Variants in ADAM19 observed in about 807,000 individuals in gnomAD.
ADAM19 encodes disintegrin and metalloproteinase domain-containing protein 19.
In ADAM19, 65 loss-of-function variants were observed where a neutral mutation model predicts 114.7. The observed-to-expected ratio is 0.57, with a 90% CI of 0.46 to 0.70. ADAM19 has a LOEUF of 0.70. Among genes scored for constraint, ADAM19 ranks in the 30% least tolerant of loss-of-function variants. ADAM19 has a pLI of 0.00. For missense variants in ADAM19, 1,063 were observed against 1,204.7 expected, an observed-to-expected ratio of 0.88 and a Z score of 1.74; for synonymous variants, 466 against 460.5, an observed-to-expected ratio of 1.01 and a Z score of -0.15.
intron 5 of ADAM19, among the ~76,000 whole-genome samples, chr5:157,527,862 C>T (rs568965675): frequency 1.3e-5 from 2 of 152,160 alleles, no homozygotes; most frequent in Non-Finnish European, 2.9e-5. Context: ...TAAGATAATA[C>T]ATGACTTCTT....
chr5:157,575,616 C>T lies in ADAM19; in HGVS notation c.81G>A (p.Glu27=), dbSNP rs749946486. 5.5e-5 allele frequency: 80 copies of T among 1,450,112 alleles called. No individual in the cohort carries two copies. Among genetic ancestry groups the T allele is most frequent in the Middle Eastern group, 2.2e-4 (1 of 4,586 alleles). The allele number at this position is 1,450,112 out of a possible 1,614,324, so 89.8% of individuals were successfully genotyped here. ...CTGGCCACTTACTTGTCCATCCAGG[C>T]TCCCGCGCCGCCCGCGGCCGGAGGG... ...LQPLRPRAAR[E]PGWTRGSEEG... Residue 27 remains glutamate, a synonymous_variant, in exon 1 of 23, where the codon GAG becomes GAA. Transcript: ENST00000257527.
At chr5:157,504,443 G>A (rs1755674045) in intron 11 of ADAM19, among the ~76,000 whole-genome samples, 1 of 152,112 alleles carries the variant, frequency 6.6e-6, no homozygotes, top group Admixed American at 6.5e-5. Flanking sequence ...CAGAGACGGG[G>A]TTTCACCATG....
chr5:157,482,140 T>C (rs1053454942), intron 21 of ADAM19, among the ~76,000 whole-genome samples, 197 bp from the exon 22 acceptor site: 2 of 152,246 alleles, frequency 1.3e-5, no homozygotes, highest in Admixed American at 1.3e-4. Context: ...TCTATTAAAA[T>C]TACAAATAAC....
chr5:157,494,299 A>G (rs764411279), intron 15 of ADAM19, among the ~76,000 whole-genome samples: 14 of 152,024 alleles, frequency 9.2e-5, no homozygotes, highest in Non-Finnish European at 1.6e-4. Context: ...ATGGGTAGAC[A>G]GATGAGTGGA....
chr5:157,551,276 C>A lies in ADAM19; in HGVS notation c.251+13097G>T, dbSNP rs144925391. Among the ~76,000 whole-genome samples, 884 of 151,922 alleles carry A rather than the reference C, an allele frequency of 5.8e-3. 5 individuals carry two copies. Among genetic ancestry groups the A allele is most frequent in the African/African-American group, 0.019 (795 of 41,406 alleles). Reference sequence around the variant, plus strand: ...AATAATTAGCTGGCGTGGTGGTGCACGCCTGTAATCTCAGCTACTCGGGAG... The same window carrying A: ...AATAATTAGCTGGCGTGGTGGTGCAAGCCTGTAATCTCAGCTACTCGGGAG... On this transcript the variant is annotated intron_variant, in intron 3 of 22. Transcript: ENST00000257527.
At chr5:157,520,426 C>G (rs1232724689) in intron 5 of ADAM19, among the ~76,000 whole-genome samples, 2 of 152,094 alleles carry the variant, frequency 1.3e-5, no homozygotes, top group African/African-American at 4.8e-5. Flanking sequence ...TTCCAAAAAG[C>G]CTCCCAAACC....
At position 157,505,611 on chromosome 5, in the gene ADAM19, C is replaced by T. The variant is rs1755717073; in HGVS notation, c.1130+58G>A. Reference sequence around the variant, plus strand: ...GGCCAGCTGGGAGGAACCCCTGGGTCACACTGTCCAGGTGTGCCCGCCCTC... The same window carrying T: ...GGCCAGCTGGGAGGAACCCCTGGGTTACACTGTCCAGGTGTGCCCGCCCTC... On this transcript the variant is annotated intron_variant, in intron 11 of 22. Transcript: ENST00000257527. 3.8e-6 allele frequency: 6 copies of T among 1,562,724 alleles called. No individual in the cohort carries two copies. The South Asian group carries it at 7.0e-5, about 18-fold the overall frequency.
At chr5:157,540,544 T>G (rs1756887647) in intron 3 of ADAM19, among the ~76,000 whole-genome samples, 2 of 152,092 alleles carry the variant, frequency 1.3e-5, no homozygotes, top group South Asian at 4.1e-4. Flanking sequence ...ACCCTAGAAA[T>G]CATGTAGTCA....
Position 157,480,623 on chromosome 5 carries a change from G to A in ADAM19, c.*326C>T, listed in dbSNP as rs1176680553. 2 of 1,159,250 alleles carry A rather than the reference G, an allele frequency of 1.7e-6. No individual in the cohort carries two copies. Among genetic ancestry groups the A allele is most frequent in the African/African-American group, 3.2e-5 (2 of 62,714 alleles). 71.8% of individuals were successfully genotyped at this position (1,159,250 alleles called of 1,614,324 possible). On this transcript the variant is annotated 3_prime_UTR_variant, in exon 23 of 23. Transcript: ENST00000257527. ...AAGTGCTGGCCTGAGGGGCTTGCTG[G>A]CCTTGAGCATCTCCATCAGCACCTC...
Position 157,478,392 on chromosome 5 carries a change from C to G in ADAM19, c.*2557G>C, listed in dbSNP as rs11466823. ...CTTCCAATAAAAGAAAAGTCCTTTT[C>G]TGCCTGGGCTTTGAGACGCTTGCAG... On this transcript the variant is annotated 3_prime_UTR_variant, in exon 23 of 23. Coordinates refer to ENST00000257527, the MANE Select transcript of ADAM19 (RefSeq NM_033274.5). The G allele has an allele frequency of 0.084, 15,454 of 183,260 alleles. 974 individuals carry two copies. Among genetic ancestry groups the G allele is most frequent in the African/African-American group, 0.19 (7,768 of 41,616 alleles). The allele number at this position is 183,260 out of a possible 1,614,324, so 11.4% of individuals were successfully genotyped here. A position where few individuals can be genotyped will look rare whatever the true frequency, so the allele number is the denominator to read the frequency against.
In ADAM19 at chr5:157,479,006, G is replaced by T. The variant is rs1359418742; in HGVS notation, c.*1943C>A. 4.1e-6 allele frequency: 4 copies of T among 985,524 alleles called. No individual in the cohort carries two copies. Among genetic ancestry groups the T allele is most frequent in the East Asian group, 1.1e-4 (1 of 8,820 alleles). The allele number at this position is 985,524 out of a possible 1,614,324, so 61.0% of individuals were successfully genotyped here. A position where few individuals can be genotyped will look rare whatever the true frequency, so the allele number is the denominator to read the frequency against. ...TTTGTTTTGCAGAGGGGTGAAAGGGGATGTTTTCACCTTTACTTTCCAGGA... is the reference window on the plus strand; with the variant it reads ...TTTGTTTTGCAGAGGGGTGAAAGGGTATGTTTTCACCTTTACTTTCCAGGA... On this transcript the variant is annotated 3_prime_UTR_variant, in exon 23 of 23. Coordinates refer to ENST00000257527, the MANE Select transcript of ADAM19 (RefSeq NM_033274.5).
At chr5:157,547,604 T>C (rs1757084033) in intron 3 of ADAM19, among the ~76,000 whole-genome samples, 2 of 152,232 alleles carry the variant, frequency 1.3e-5, no homozygotes, top group Non-Finnish European at 2.9e-5. Flanking sequence ...GAAACAGATT[T>C]CTTTTCTTTA....
Position 157,488,398 on chromosome 5 carries a change from G to A in ADAM19, c.2417C>T (p.Pro806Leu), listed in dbSNP as rs774169834. ...AGCCCTGCTCAGGTGAGCTGGCAGT[G>A]GTGCAGGTGGGGACCCACCACGCAG... The part of the protein sequence containing the change: ...DYLRGGSPPA[P>L]LPAHLSRAAR... The change falls in exon 21 of 23, where the codon CCA (proline) becomes CTA (leucine). Residue 806 changes from proline (P) to leucine (L), a missense_variant. Around this residue, in one of 3 missense-constraint regions of ADAM19, gnomAD observed 424 missense variants for 445.5 expected, o/e 0.95. Transcript: ENST00000257527. The A allele has an allele frequency of 1.9e-6, 3 of 1,614,132 alleles. No individual in the cohort carries two copies. Among genetic ancestry groups the A allele is most frequent in the Middle Eastern group, 1.7e-4 (1 of 6,056 alleles).
At chr5:157,546,360 A>G (rs1041465160) in intron 3 of ADAM19, among the ~76,000 whole-genome samples, 3 of 152,218 alleles carry the variant, frequency 2.0e-5, no homozygotes, top group Non-Finnish European at 4.4e-5. Context: ...GAGCAAGGCC[A>G]GTCTAGGGAT....
intron 3 of ADAM19, among the ~76,000 whole-genome samples, chr5:157,546,738 T>C (rs1218696902): frequency 1.3e-5 from 2 of 152,010 alleles, no homozygotes; most frequent in Non-Finnish European, 2.9e-5. Flanking sequence ...GGAGAAAACG[T>C]GGAGACTGCC....
At chr5:157,486,330 C>T (rs1029704386) in intron 21 of ADAM19, among the ~76,000 whole-genome samples, 1 of 152,168 alleles carries the variant, frequency 6.6e-6, no homozygotes, top group African/African-American at 2.4e-5. Flanking sequence ...ATCACAGCAG[C>T]CCCCACTCAG....
At chr5:157,575,575 C>G (rs1757950219) in intron 1 of ADAM19, 28 bp downstream of exon 1, 1 of 1,445,590 alleles carries the variant, frequency 6.9e-7, no homozygotes, top group Non-Finnish European at 9.1e-7. Context: ...GCCACCCAGC[C>G]TCCATCCCCC....
At chr5:157,550,638 A>G (rs1227455110) in intron 3 of ADAM19, among the ~76,000 whole-genome samples, 2 of 151,918 alleles carry the variant, frequency 1.3e-5, no homozygotes, top group Non-Finnish European at 2.9e-5. Context: ...TATACTTTAA[A>G]TGAGTGAACT....
In ADAM19 at chr5:157,481,778, CCCG is replaced by C; in HGVS notation, c.2703+10_2703+12del. 1 of 1,564,524 alleles carries C rather than the reference CCCG, an allele frequency of 6.4e-7. No individual in the cohort carries two copies. The highest frequency in any genetic ancestry group is 1.2e-5 in the South Asian group (1 of 85,202). ...GTACCAGCTTTCACCTTGAGGGCTT[CCCG>C]TGGACTCACCTTTGGGGCAAGTGCT... is the stretch of plus-strand genomic sequence containing the variant. On this transcript the variant is annotated intron_variant, in intron 22 of 22. Coordinates refer to ENST00000257527, the MANE Select transcript of ADAM19 (RefSeq NM_033274.5).
Sources: allele counts gnomAD v4.1 joint callset (sites outside exome capture counted in the v4.1 genomes callset), GRCh38; gene constraint gnomAD v4.1.1; regional missense constraint gnomAD v4.1.1; transcripts MANE v1.5; gene names NCBI Gene and HGNC (gene_info 2026-07-23, HGNC 2026-07-21).